Variants in RCOR1 observed in about 807,000 individuals in gnomAD.
RCOR1 encodes the protein REST corepressor 1.
Under a neutral mutation model 64.0 loss-of-function variants are expected in RCOR1, and 12 were observed. That is an observed-to-expected ratio of 0.19 (90% CI 0.12 to 0.30). RCOR1 has a LOEUF of 0.30. Among genes scored for constraint, RCOR1 ranks in the 10% least tolerant of loss-of-function variants. The pLI is 1.00. For missense variants in RCOR1, 502 were observed against 621.2 expected (o/e 0.81, Z 2.04); for synonymous variants, 279 against 227.2 (o/e 1.23, Z -2.05).
intron 8 of RCOR1, 110 bp from the exon 9 acceptor site, chr14:102,720,897 T>G (rs1896157440): frequency 3.4e-6 from 2 of 593,192 alleles, no homozygotes; most frequent in Non-Finnish European, 5.9e-6. Context: ...ACAACAGATG[T>G]TAGTAACGTC....
rs1483051522 is a variant in RCOR1, at chr14:102,592,806, C to T, written c.-81C>T. ...CGCCCGCCCGGCCCCGCGCCGGCCCCGCGCCCCCTCCCCCGTCTCGGCGCC... is the reference window on the plus strand; with the variant it reads ...CGCCCGCCCGGCCCCGCGCCGGCCCTGCGCCCCCTCCCCCGTCTCGGCGCC... On this transcript the variant is annotated 5_prime_UTR_variant, in exon 1 of 12. Transcript: ENST00000262241. 1.1e-5 allele frequency: 13 copies of T among 1,177,782 alleles called. 1 individual carries two copies. Among genetic ancestry groups the T allele is most frequent in the African/African-American group, 3.2e-5 (2 of 61,770 alleles). 73.0% of individuals were successfully genotyped at this position (1,177,782 alleles called of 1,614,324 possible). A position where few individuals can be genotyped will look rare whatever the true frequency, so the allele number is the denominator to read the frequency against.
At chr14:102,682,674 G>T (rs1319602974) in intron 3 of RCOR1, among the ~76,000 whole-genome samples, 1 of 152,146 alleles carries the variant, frequency 6.6e-6, no homozygotes, top group Non-Finnish European at 1.5e-5. Flanking sequence ...GTGTGTTCCA[G>T]TTGGCCACAA....
Position 102,726,611 on chromosome 14 carries a change from C to G in RCOR1, c.*105C>G. ...TCTGCATCACATCTCTCTGGACAAG[C>G]AGCTATTACCAAAAAAGGCATATAC... On this transcript the variant is annotated 3_prime_UTR_variant, in exon 12 of 12. Transcript: ENST00000262241. 1 of 960,512 alleles carries G rather than the reference C, an allele frequency of 1.0e-6. No homozygotes were observed. The highest frequency in any genetic ancestry group is 1.7e-5 in the African/African-American group (1 of 60,426). The allele number at this position is 960,512 out of a possible 1,614,324, so 59.5% of individuals were successfully genotyped here.
At chr14:102,719,145 C>T (rs1166866140) in intron 8 of RCOR1, among the ~76,000 whole-genome samples, 1 of 151,876 alleles carries the variant, frequency 6.6e-6, no homozygotes, top group Non-Finnish European at 1.5e-5. Flanking sequence ...TGCAGTGGTG[C>T]GATCTCGGCT....
intron 2 of RCOR1, among the ~76,000 whole-genome samples, chr14:102,636,099 AT>A (rs1303871009): frequency 6.6e-6 from 1 of 151,442 alleles, no homozygotes; most frequent in African/African-American, 2.4e-5. Context: ...CACCCGGCTA[AT>A]TTTTTGTTTT....
At chr14:102,689,060 C>G (rs563794681) in intron 3 of RCOR1, among the ~76,000 whole-genome samples, 5 of 152,180 alleles carry the variant, frequency 3.3e-5, no homozygotes, top group African/African-American at 4.8e-5. Context: ...ACTGTGCTTA[C>G]GTGTAGACCT....
intron 8 of RCOR1, among the ~76,000 whole-genome samples, chr14:102,716,622 G>C (rs1038240585): frequency 6.6e-6 from 1 of 152,158 alleles, no homozygotes; most frequent in African/African-American, 2.4e-5. Context: ...TTTATCCTTT[G>C]CAACGCAGCA....
At chr14:102,702,441 T>G (rs1895772033) in intron 4 of RCOR1, among the ~76,000 whole-genome samples, 1 of 151,124 alleles carries the variant, frequency 6.6e-6, no homozygotes, top group Non-Finnish European at 1.5e-5. Context: ...TTTCTACTTT[T>G]TTTCTTTCTA....
At chr14:102,602,675 A>G (rs774373079) in intron 2 of RCOR1, among the ~76,000 whole-genome samples, 1 of 152,084 alleles carries the variant, frequency 6.6e-6, no homozygotes, top group Non-Finnish European at 1.5e-5. Flanking sequence ...CCAAAGTCCT[A>G]GGATTACAGA....
intron 2 of RCOR1, chr14:102,657,461 C>T (rs1186861804): frequency 1.0e-6 from 1 of 983,750 alleles, no homozygotes; most frequent in Non-Finnish European, 1.2e-6. Flanking sequence ...AGAAGTCTTA[C>T]TCATCCTTTT....
chr14:102,602,107 C>T lies in RCOR1; in HGVS notation c.361+8782C>T, dbSNP rs1400652051. ...CCGGGAGGCGGAGATTGCAGTGAGC[C>T]GAGGTTGTGCCACTGCACTCCAGAC... On this transcript the variant is annotated intron_variant, in intron 2 of 11. Transcript: ENST00000262241. Among the ~76,000 whole-genome samples, 10 of 151,036 alleles carry T rather than the reference C, an allele frequency of 6.6e-5. 1 individual carries two copies. Among genetic ancestry groups the T allele is most frequent in the Admixed American group, 3.3e-4 (5 of 15,140 alleles).
chr14:102,622,311 G>T (rs1418630859), intron 2 of RCOR1, among the ~76,000 whole-genome samples: 1 of 152,142 alleles, frequency 6.6e-6, no homozygotes, highest in Non-Finnish European at 1.5e-5. Context: ...CCAGCCCGAA[G>T]GCTTGAACAG....
Position 102,727,278 on chromosome 14 carries a change from C to T in RCOR1, c.*772C>T, listed in dbSNP as rs1896285841. 1.4e-5 allele frequency: 2 copies of T among 142,076 alleles called. No individual in the cohort carries two copies. Among genetic ancestry groups the T allele is most frequent in the African/African-American group, 5.5e-5 (2 of 36,282 alleles). The allele number at this position is 142,076 out of a possible 1,614,324, so 8.8% of individuals were successfully genotyped here. A position where few individuals can be genotyped will look rare whatever the true frequency, so the allele number is the denominator to read the frequency against. On this transcript the variant is annotated 3_prime_UTR_variant, in exon 12 of 12. Transcript: ENST00000262241. The stretch of plus-strand genomic sequence containing the variant: ...AGGGTGGTTGCCACCCCATCTTTTC[C>T]TGACCCCCCCCACCCCCCCACCTCC...
chr14:102,648,791 T>C (rs961999095), intron 2 of RCOR1, among the ~76,000 whole-genome samples: 1 of 152,186 alleles, frequency 6.6e-6, no homozygotes, highest in Non-Finnish European at 1.5e-5. Context: ...TTAATATAGT[T>C]ACTCATTTGC....
intron 2 of RCOR1, among the ~76,000 whole-genome samples, chr14:102,646,120 A>G (rs1894473308): frequency 6.6e-6 from 1 of 152,214 alleles, no homozygotes; most frequent in Non-Finnish European, 1.5e-5. Flanking sequence ...CACTGTAAGA[A>G]GGTGATATGG....
chr14:102,656,182 C>G (rs1894720278), intron 2 of RCOR1: 1 of 895,352 alleles, frequency 1.1e-6, no homozygotes, highest in Admixed American at 6.2e-5. Flanking sequence ...CTGTGTCGCC[C>G]AGACTGGAGT....
At chr14:102,679,088 G>A (rs1895250902) in intron 2 of RCOR1, among the ~76,000 whole-genome samples, 1 of 152,142 alleles carries the variant, frequency 6.6e-6, no homozygotes, top group South Asian at 2.1e-4. Context: ...TCTCAACAGT[G>A]CCTTTTGCAG....
chr14:102,705,377 A>G (rs1895830186), intron 4 of RCOR1, among the ~76,000 whole-genome samples: 1 of 152,198 alleles, frequency 6.6e-6, no homozygotes, highest in Non-Finnish European at 1.5e-5. Flanking sequence ...ACTGTACTAA[A>G]TCTTTCTTTC....
intron 4 of RCOR1, among the ~76,000 whole-genome samples, chr14:102,706,563 C>T (rs1430376017): frequency 1.3e-5 from 2 of 152,028 alleles, no homozygotes; most frequent in Non-Finnish European, 2.9e-5. Context: ...ATAGAATTAC[C>T]GTATTATCCA....
Sources: gnomAD v4.1 joint callset for allele counts (sites outside exome capture counted in the v4.1 genomes callset) on GRCh38, gnomAD v4.1.1 for gene constraint, MANE v1.5 for transcripts, NCBI Gene and HGNC (gene_info 2026-07-23, HGNC 2026-07-21) for gene names.